Variants in GABBR2 observed in about 807,000 individuals in gnomAD.
GABBR2 encodes the protein gamma-aminobutyric acid type B receptor subunit 2, also known as G-protein coupled receptor 51.
In GABBR2, 23 loss-of-function variants were observed where a neutral mutation model predicts 105.6. That is an observed-to-expected ratio of 0.22 (90% CI 0.16 to 0.31). The LOEUF (loss-of-function observed/expected upper bound fraction) is 0.31. Among genes scored for constraint, GABBR2 ranks in the 10% least tolerant of loss-of-function variants. The pLI, the probability that GABBR2 is intolerant of heterozygous loss-of-function variation, is 1.00. For synonymous variants in GABBR2, 478 were observed against 499.7 expected (o/e 0.96, Z 0.58); for missense variants, 734 against 1,245.5 (o/e 0.59, Z 6.18).
chr9:98,648,369 G>C (rs1448020262), intron 1 of GABBR2, among the ~76,000 whole-genome samples: 2 of 152,016 alleles, frequency 1.3e-5, no homozygotes, highest in Non-Finnish European at 2.9e-5. Context: ...CTGACCTCAG[G>C]TGATCCACCC....
intron 7 of GABBR2, 49 bp from the exon 8 acceptor site, chr9:98,406,190 CATTAG>C (rs1307487231): frequency 8.8e-7 from 1 of 1,133,556 alleles, no homozygotes; most frequent in Non-Finnish European, 1.3e-6. Flanking sequence ...AGAAATGCCA[CATTAG>C]CCCAAACGCC....
intron 4 of GABBR2, among the ~76,000 whole-genome samples, chr9:98,483,090 G>A (rs889166953): frequency 2.0e-5 from 3 of 151,968 alleles, no homozygotes; most frequent in African/African-American, 4.8e-5. Context: ...CACCTCCAGC[G>A]CAACATGTCC....
chr9:98,563,332 TCA>T (rs376231906), intron 2 of GABBR2, among the ~76,000 whole-genome samples: 41 of 152,266 alleles, frequency 2.7e-4, no homozygotes, highest in African/African-American at 9.6e-4. Flanking sequence ...TGCCTCGACT[TCA>T]CAGAGAGAAC....
intron 7 of GABBR2, among the ~76,000 whole-genome samples, chr9:98,442,684 G>A (rs1351478877): frequency 2.0e-5 from 3 of 152,176 alleles, no homozygotes; most frequent in Non-Finnish European, 4.4e-5. Flanking sequence ...ATGGGAATTT[G>A]TTATCTCAGT....
chr9:98,694,873 A>G (rs111898728), intron 1 of GABBR2, among the ~76,000 whole-genome samples: 59 of 152,364 alleles, frequency 3.9e-4, no homozygotes, highest in African/African-American at 1.4e-3. Context: ...CATCCATTAG[A>G]GAGCATCAGC....
chr9:98,691,570 G>A (rs1830682858), intron 1 of GABBR2, among the ~76,000 whole-genome samples: 2 of 152,214 alleles, frequency 1.3e-5, no homozygotes, highest in Non-Finnish European at 2.9e-5. Context: ...GGCCCTTGGT[G>A]AGCACTGATT....
intron 13 of GABBR2, among the ~76,000 whole-genome samples, chr9:98,344,882 C>A (rs188022964): frequency 6.6e-6 from 1 of 152,256 alleles, no homozygotes; most frequent in Non-Finnish European, 1.5e-5. Context: ...CTCTTTTGTC[C>A]ACTGGGACCC....
At chr9:98,680,948 T>TA (rs1830537522) in intron 1 of GABBR2, among the ~76,000 whole-genome samples, 1 of 152,174 alleles carries the variant, frequency 6.6e-6, no homozygotes, top group Non-Finnish European at 1.5e-5. Context: ...GTTTACTTTA[T>TA]AAAAAATAGA....
chr9:98,456,265 T>C lies in GABBR2; in HGVS notation c.1000-2048A>G, dbSNP rs567408520. On this transcript the variant is annotated intron_variant, in intron 6 of 18. Transcript: ENST00000259455. ...CAAGTTGGCTTGCACCTCAGGGCTT[T>C]GCACAAGCTGTTTCTCTGCCAGAAA... 1.4e-3 allele frequency among the ~76,000 whole-genome samples: 214 copies of C among 152,296 alleles called. 3 individuals are homozygous for C. Among genetic ancestry groups the C allele is most frequent in the Non-Finnish European group, 2.8e-4 (19 of 68,022 alleles).
chr9:98,419,962 T>C (rs943374794), intron 7 of GABBR2, among the ~76,000 whole-genome samples: 8 of 152,044 alleles, frequency 5.3e-5, no homozygotes, highest in Non-Finnish European at 8.8e-5. Flanking sequence ...AACTGAGGGA[T>C]GGAGCCTCCT....
intron 13 of GABBR2, among the ~76,000 whole-genome samples, chr9:98,330,320 G>A (rs1191978528): frequency 7.1e-6 from 1 of 140,200 alleles, no homozygotes. Flanking sequence ...TAGTTGAAAT[G>A]CATGCATCTT....
chr9:98,640,688 C>A (rs1159043706), intron 1 of GABBR2, among the ~76,000 whole-genome samples: 1 of 152,072 alleles, frequency 6.6e-6, no homozygotes, highest in African/African-American at 2.4e-5. Flanking sequence ...ATTCTAACCC[C>A]CTGGAGAGGA....
At chr9:98,370,676 T>C (rs964918261) in intron 12 of GABBR2, among the ~76,000 whole-genome samples, 1 of 152,168 alleles carries the variant, frequency 6.6e-6, no homozygotes, top group Non-Finnish European at 1.5e-5. Flanking sequence ...CATATTATAA[T>C]AGTTACTAAC....
At chr9:98,580,863 C>T (rs1298866852) in intron 1 of GABBR2, among the ~76,000 whole-genome samples, 1 of 152,170 alleles carries the variant, frequency 6.6e-6, no homozygotes, top group South Asian at 2.1e-4. Flanking sequence ...ACGTTCTCTC[C>T]TTATTTTTGT....
At chr9:98,518,130 C>T (rs972822588) in intron 3 of GABBR2, among the ~76,000 whole-genome samples, 1 of 152,166 alleles carries the variant, frequency 6.6e-6, no homozygotes, top group Non-Finnish European at 1.5e-5. Flanking sequence ...GCTGCTCCTC[C>T]CAATTCCAGT....
chr9:98,583,486 C>T (rs939609681), intron 1 of GABBR2, among the ~76,000 whole-genome samples: 3 of 152,236 alleles, frequency 2.0e-5, no homozygotes, highest in South Asian at 2.1e-4. Context: ...CCACAGAACA[C>T]TTAATTTTAA....
chr9:98,603,168 C>T (rs1292944224), intron 1 of GABBR2, among the ~76,000 whole-genome samples: 1 of 152,182 alleles, frequency 6.6e-6, no homozygotes, highest in Non-Finnish European at 1.5e-5. Flanking sequence ...CTCTCTGCCC[C>T]GTCTCCTACA....
chr9:98,307,453 C>G (rs1830569524), intron 14 of GABBR2, among the ~76,000 whole-genome samples: 1 of 152,152 alleles, frequency 6.6e-6, no homozygotes, highest in Non-Finnish European at 1.5e-5. Context: ...AAGAGGCCTT[C>G]TCTCTCACAA....
At chr9:98,703,443 T>C (rs907437299) in intron 1 of GABBR2, among the ~76,000 whole-genome samples, 6 of 152,212 alleles carry the variant, frequency 3.9e-5, no homozygotes, top group African/African-American at 1.4e-4. Context: ...GCAAAGAAGA[T>C]GTAAACCTGA....
Sources: gnomAD v4.1 joint callset for allele counts (sites outside exome capture counted in the v4.1 genomes callset) on GRCh38, gnomAD v4.1.1 for gene constraint, MANE v1.5 for transcripts, NCBI Gene and HGNC (gene_info 2026-07-23, HGNC 2026-07-21) for gene names.